The following TRAP1 variants were observed in gnomAD, a reference collection of about 807,000 sequenced individuals.
The protein encoded by TRAP1 is TNF receptor associated protein 1, also known as heat shock protein 75 kDa, mitochondrial.
A neutral mutation model predicts 89.1 loss-of-function variants in TRAP1; 102 were observed. That is an observed-to-expected ratio of 1.15 (90% CI 0.98 to 1.35). The LOEUF is 1.35. Ranked by LOEUF, TRAP1 falls within the 40% of genes most tolerant of loss-of-function variation. The pLI is 0.00. For synonymous variants in TRAP1, 508 were observed against 388.0 expected, an observed-to-expected ratio of 1.31 and a Z score of -3.64; for missense variants, 1,256 against 945.3, an observed-to-expected ratio of 1.33 and a Z score of -4.31.
Position 3,664,332 on chromosome 16 carries a change from T to G in TRAP1, c.1511A>C (p.Asn504Thr). The G allele has an allele frequency of 1.2e-6, 2 of 1,609,860 alleles. No individual in the cohort carries two copies. The highest frequency in any genetic ancestry group is 1.7e-6 in the Non-Finnish European group (2 of 1,177,906). Residue 504 changes from asparagine to threonine, a missense_variant, in exon 13 of 18, where the codon AAC (asparagine) becomes ACC (threonine). Asn to Thr is a moderately conservative substitution (Grantham distance 65, BLOSUM62 0). Transcript: ENST00000246957. ...GGGTGAGTGCTCTGCCAGGTGACGG[T>G]TGGGGGCGCACAGGTAGTAGATGTT... ...TRNIYYLCAPNRHLAEHSPYY... is the reference protein window; with the variant it reads ...TRNIYYLCAPTRHLAEHSPYY...
At chr16:3,704,199 G>C (rs1689683934) in intron 1 of TRAP1, 1 of 152,038 alleles carries the variant, frequency 6.6e-6, no homozygotes, top group South Asian at 2.1e-4. Flanking sequence ...ACAAAAATTA[G>C]CTGGGCATGG....
intron 4 of TRAP1, among the ~76,000 whole-genome samples, chr16:3,683,869 A>C (rs950325710): frequency 7.9e-5 from 12 of 151,832 alleles, no homozygotes; most frequent in African/African-American, 2.9e-4. Context: ...ATGTGATTTT[A>C]AAAGGAAATG....
chr16:3,679,913 G>C, intron 4 of TRAP1, 123 bp from the exon 5 acceptor site: 1 of 814,358 alleles, frequency 1.2e-6, no homozygotes, highest in Non-Finnish European at 2.1e-6. Flanking sequence ...CAGCCAGGTA[G>C]CACCAGATGC....
At chr16:3,674,558 C>T in intron 8 of TRAP1, 64 bp from the exon 9 acceptor site, 1 of 1,574,590 alleles carries the variant, frequency 6.4e-7, no homozygotes, top group Non-Finnish European at 8.6e-7. Context: ...CACCACCGTG[C>T]AGGCCTGAGC....
intron 11 of TRAP1, among the ~76,000 whole-genome samples, chr16:3,667,863 A>G (rs1316051302): frequency 1.3e-5 from 2 of 149,154 alleles, no homozygotes; most frequent in Non-Finnish European, 3.0e-5. Flanking sequence ...GGTTCAAGCA[A>G]TTCTCCTGCC....
intron 1 of TRAP1, among the ~76,000 whole-genome samples, chr16:3,715,299 A>T (rs372373697): frequency 6.6e-6 from 1 of 152,052 alleles, no homozygotes. Context: ...TTAGCCAGGC[A>T]TGGTGGTGGG....
chr16:3,675,720 A>G lies in TRAP1; in HGVS notation c.814+316T>C, dbSNP rs139023688. 3.9e-3 allele frequency among the ~76,000 whole-genome samples: 593 copies of G among 152,280 alleles called. 4 individuals are homozygous for G. Among genetic ancestry groups the G allele is most frequent in the African/African-American group, 0.014 (568 of 41,564 alleles). The stretch of plus-strand genomic sequence containing the variant: ...CTCCCTGAGTGTCCAGCAGGACACA[A>G]AGAGGGAAGGCCACGCCCACATCCT... On this transcript the variant is annotated intron_variant, in intron 7 of 17. Coordinates refer to ENST00000246957, the MANE Select transcript of TRAP1 (RefSeq NM_016292.3).
intron 4 of TRAP1, among the ~76,000 whole-genome samples, chr16:3,685,283 C>T (rs1245206927): frequency 6.6e-6 from 1 of 152,214 alleles, no homozygotes; most frequent in Non-Finnish European, 1.5e-5. Context: ...ATTCTCTAAA[C>T]CCAAGAGGGA....
At chr16:3,675,299 G>A in intron 8 of TRAP1, 25 bp downstream of exon 8, 1 of 1,610,046 alleles carries the variant, frequency 6.2e-7, no homozygotes, top group Admixed American at 1.7e-5. Context: ...TGTTTGACCA[G>A]TCCCTAGAGG....
intron 2 of TRAP1, 101 bp from the exon 3 acceptor site, chr16:3,689,238 T>TA: frequency 1.2e-4 from 108 of 914,624 alleles, no homozygotes; most frequent in Non-Finnish European, 1.4e-4. Flanking sequence ...TTATGAGTTT[T>TA]AAACTTTTTT....
chr16:3,663,494 C>G lies in TRAP1; in HGVS notation c.1638G>C (p.Lys546Asn), dbSNP rs748514506. 1 of 1,613,928 alleles carries G rather than the reference C, an allele frequency of 6.2e-7. No individual in the cohort carries two copies. The highest frequency in any genetic ancestry group is 1.3e-5 in the African/African-American group (1 of 74,916). Residue 546 changes from lysine (K) to asparagine (N), a missense_variant, in exon 14 of 18, where the codon AAG becomes AAC. By Grantham distance (94) the Lys-to-Asn change is moderately conservative. Coordinates refer to ENST00000246957, the MANE Select transcript of TRAP1 (RefSeq NM_016292.3). ...LLHLREFDKK[K>N]LISVETDIVV... ...CTATGTCCGTCTCCACAGAGATCAG[C>G]TTCTTCTTGTCAAACTCACGAAGGT... is the stretch of plus-strand genomic sequence containing the variant.
chr16:3,705,271 A>G (rs1486016563), intron 1 of TRAP1, among the ~76,000 whole-genome samples: 1 of 151,922 alleles, frequency 6.6e-6, no homozygotes, highest in Non-Finnish European at 1.5e-5. Flanking sequence ...GGGTTTCACC[A>G]TGTTAGCCAG....
intron 4 of TRAP1, among the ~76,000 whole-genome samples, chr16:3,681,618 A>G (rs1227511699): frequency 6.6e-6 from 1 of 152,244 alleles, no homozygotes; most frequent in African/African-American, 2.4e-5. Context: ...AATTATGAAT[A>G]AAAAACTACT....
In TRAP1 at chr16:3,662,868, C is replaced by T. The variant is rs556318671; in HGVS notation, c.1794+14G>A. 2.4e-5 allele frequency: 39 copies of T among 1,613,240 alleles called. 1 individual carries two copies. The African/African-American group carries it at 3.2e-4, about 13-fold the overall frequency. On this transcript the variant is annotated intron_variant, in intron 15 of 17. Coordinates refer to ENST00000246957, the MANE Select transcript of TRAP1 (RefSeq NM_016292.3). ...CTGCGGCCAAGTGGTGGTCCATCCC[C>T]GGGAAAGCCTCACCTTCACGTTGGT...
intron 4 of TRAP1, among the ~76,000 whole-genome samples, chr16:3,682,387 C>CAAA (rs569995327): frequency 5.5e-4 from 43 of 78,352 alleles, no homozygotes; most frequent in Non-Finnish European, 9.7e-4. Flanking sequence ...CCTGCCTCTA[C>CAAA]AAAAAAAAAA....
chr16:3,694,891 A>C (rs2051265652), intron 1 of TRAP1, among the ~76,000 whole-genome samples: 1 of 152,194 alleles, frequency 6.6e-6, no homozygotes, highest in Admixed American at 6.5e-5. Flanking sequence ...GGAAGCAAGA[A>C]GTCCAAGATC....
chr16:3,684,617 C>T (rs1456672511), intron 4 of TRAP1, among the ~76,000 whole-genome samples: 3 of 152,112 alleles, frequency 2.0e-5, no homozygotes, highest in Non-Finnish European at 2.9e-5. Flanking sequence ...TGGTGAAACC[C>T]CATCTCTACT....
At chr16:3,688,887 A>G (rs2051173642) in intron 3 of TRAP1, among the ~76,000 whole-genome samples, 168 bp downstream of exon 3, 1 of 152,220 alleles carries the variant, frequency 6.6e-6, no homozygotes, top group African/African-American at 2.4e-5. Flanking sequence ...AAACCAAAAC[A>G]GATTCTGGTA....
chr16:3,658,752 T>A, intron 17 of TRAP1, 41 bp downstream of exon 17: 1 of 1,581,134 alleles, frequency 6.3e-7, no homozygotes, highest in African/African-American at 1.3e-5. Flanking sequence ...GCAGGGCTGG[T>A]AGCCTGGGTC....
Sources: allele counts gnomAD v4.1 joint callset (sites outside exome capture counted in the v4.1 genomes callset), GRCh38; gene constraint gnomAD v4.1.1; transcripts MANE v1.5; gene names NCBI Gene and HGNC (gene_info 2026-07-23, HGNC 2026-07-21).